Variants in SDC3 observed in about 807,000 individuals in gnomAD.
The protein encoded by SDC3 is syndecan-3.
Under a neutral mutation model 24.4 loss-of-function variants are expected in SDC3, and 13 were observed. That is an observed-to-expected ratio of 0.53 (90% CI 0.35 to 0.85). The LOEUF is 0.85. Among genes scored for constraint, SDC3 ranks in the 40% least tolerant of loss-of-function variants. The pLI is 0.01. For synonymous variants in SDC3, 295 were observed against 260.9 expected (o/e 1.13, Z -1.26); for missense variants, 571 against 584.5 (o/e 0.98, Z 0.24).
At chr1:30,905,236 G>C (rs1638493788) in intron 1 of SDC3, among the ~76,000 whole-genome samples, 1 of 152,036 alleles carries the variant, frequency 6.6e-6, no homozygotes, top group Non-Finnish European at 1.5e-5. Flanking sequence ...GCTTGAAACA[G>C]GGTGAGGAAG....
chr1:30,876,337 C>T (rs575845448), intron 3 of SDC3, among the ~76,000 whole-genome samples: 1 of 152,280 alleles, frequency 6.6e-6, no homozygotes, highest in Admixed American at 6.5e-5. Context: ...CACCAATGTC[C>T]CATCCCATTA....
intron 1 of SDC3, among the ~76,000 whole-genome samples, chr1:30,883,822 CAA>C (rs1639780711): frequency 6.6e-6 from 1 of 152,040 alleles, no homozygotes; most frequent in African/African-American, 2.4e-5. Flanking sequence ...GTGATTTGCC[CAA>C]AGACACACAG....
At chr1:30,880,112 T>A (rs1569999475) in intron 1 of SDC3, 1 of 152,176 alleles carries the variant, frequency 6.6e-6, no homozygotes, top group African/African-American at 2.4e-5. Context: ...TGGAAACCCA[T>A]CAGCCTCCAC....
chr1:30,909,226 C>G (rs538091217), upstream of SDC3, among the ~76,000 whole-genome samples: 2 of 152,312 alleles, frequency 1.3e-5, no homozygotes, highest in Admixed American at 6.5e-5. Context: ...CAGAGGTCAT[C>G]CAAGACCACG....
At chr1:30,902,461 G>T (rs1478974156) in intron 1 of SDC3, among the ~76,000 whole-genome samples, 1 of 152,188 alleles carries the variant, frequency 6.6e-6, no homozygotes, top group African/African-American at 2.4e-5. Flanking sequence ...AGGGTGTGGG[G>T]GGTGCCATCA....
chr1:30,880,209 T>C (rs1328462828), intron 1 of SDC3, among the ~76,000 whole-genome samples: 2 of 151,882 alleles, frequency 1.3e-5, no homozygotes, highest in African/African-American at 4.8e-5. Flanking sequence ...ATCTTCTCCA[T>C]GCTAACGACC....
Position 30,902,251 on chromosome 1 carries a change from A to G in SDC3, c.138+6198T>C, listed in dbSNP as rs906714178. 2.2e-4 allele frequency among the ~76,000 whole-genome samples: 34 copies of G among 152,166 alleles called. 1 individual carries two copies. Among genetic ancestry groups the G allele is most frequent in the African/African-American group, 7.7e-4 (32 of 41,436 alleles). On this transcript the variant is annotated intron_variant, in intron 1 of 4. Coordinates refer to ENST00000339394, the MANE Select transcript of SDC3 (RefSeq NM_014654.4). ...AAGGGCCAGATCATTTGTTGGGGCC[A>G]CCGCCACCCCCACTGCTGGGCCCTC... is the stretch of plus-strand genomic sequence containing the variant.
chr1:30,893,221 G>A (rs183289574), intron 1 of SDC3, among the ~76,000 whole-genome samples: 2 of 148,570 alleles, frequency 1.3e-5, no homozygotes, highest in Non-Finnish European at 3.0e-5. Flanking sequence ...CCCAGGCAGT[G>A]TGGAATGTTC....
chr1:30,874,624 A>C, intron 3 of SDC3, 36 bp from the exon 4 acceptor site: 1 of 1,593,000 alleles, frequency 6.3e-7, no homozygotes, highest in Non-Finnish European at 8.6e-7. Context: ...GGACAACCAC[A>C]CATGCATGCA....
chr1:30,873,357 C>A lies in SDC3; in HGVS notation c.1183G>T (p.Val395Leu). 6.2e-7 allele frequency: 1 copy of A among 1,613,710 alleles called. No homozygotes were observed. Among genetic ancestry groups the A allele is most frequent in the Non-Finnish European group, 8.5e-7 (1 of 1,179,672 alleles). The change falls in exon 5 of 5, where the codon GTG becomes TTG. Residue 395 changes from valine (V) to leucine (L), a missense_variant. Val to Leu is a conservative substitution (Grantham distance 32). Coordinates refer to ENST00000339394, the MANE Select transcript of SDC3 (RefSeq NM_014654.4). Reference protein sequence around the residue: ...VLVAVIVGGVVGALFAAFLVT... With the variant: ...VLVAVIVGGVLGALFAAFLVT... ...AAGAAGGCAGCAAAGAGGGCGCCCA[C>A]CACCCCGCCCACAATCACAGCTGTG...
upstream of SDC3, among the ~76,000 whole-genome samples, chr1:30,909,570 C>A (rs1638611284): frequency 6.6e-6 from 1 of 152,092 alleles, no homozygotes; most frequent in Non-Finnish European, 1.5e-5. Context: ...GGTGCCTTTT[C>A]CCCCTTCACC....
intron 1 of SDC3, among the ~76,000 whole-genome samples, chr1:30,907,193 T>C (rs1029123293): frequency 1.6e-4 from 25 of 152,280 alleles, no homozygotes; most frequent in Admixed American, 5.2e-4. Context: ...ACAGCATAGC[T>C]CCTGGAACCA....
chr1:30,879,674 G>A (rs952568912), intron 1 of SDC3, among the ~76,000 whole-genome samples: 1 of 152,184 alleles, frequency 6.6e-6, no homozygotes, highest in Non-Finnish European at 1.5e-5. Flanking sequence ...CCCTGCCCAG[G>A]GCTGTCTTCA....
intron 1 of SDC3, among the ~76,000 whole-genome samples, chr1:30,889,380 T>C (rs1639874608): frequency 6.6e-6 from 1 of 151,992 alleles, no homozygotes; most frequent in African/African-American, 2.4e-5. Context: ...GAAGCACTGG[T>C]TCCCACACAC....
chr1:30,903,325 T>G (rs1638451651), intron 1 of SDC3, among the ~76,000 whole-genome samples: 1 of 152,172 alleles, frequency 6.6e-6, no homozygotes, highest in Non-Finnish European at 1.5e-5. Context: ...TGGTGGCTTT[T>G]TAGACCCCTC....
upstream of SDC3, among the ~76,000 whole-genome samples, chr1:30,909,731 T>G (rs1436276095): frequency 2.0e-5 from 3 of 152,158 alleles, no homozygotes; most frequent in Non-Finnish European, 4.4e-5. Flanking sequence ...CGATGCTCAA[T>G]CCAAATTTGC....
chr1:30,872,850 G>T lies in SDC3; in HGVS notation c.*361C>A, dbSNP rs1639563280. ...CAAAAAGGAGATCTCAGTGAGCACTGTGGGTGCCAAGTCAGGGCTCAGGCT... is the reference window on the plus strand; with the variant it reads ...CAAAAAGGAGATCTCAGTGAGCACTTTGGGTGCCAAGTCAGGGCTCAGGCT... On this transcript the variant is annotated 3_prime_UTR_variant, in exon 5 of 5. Coordinates refer to ENST00000339394, the MANE Select transcript of SDC3 (RefSeq NM_014654.4). 1 of 265,036 alleles carries T rather than the reference G, an allele frequency of 3.8e-6. No homozygotes were observed. The allele number at this position is 265,036 out of a possible 1,614,324, so 16.4% of individuals were successfully genotyped here. A position where few individuals can be genotyped will look rare whatever the true frequency, so the allele number is the denominator to read the frequency against.
chr1:30,872,534 A>C lies in SDC3; in HGVS notation c.*677T>G, dbSNP rs542705400. 6.5e-6 allele frequency: 1 copy of C among 152,752 alleles called. No homozygotes were observed. The highest frequency in any genetic ancestry group is 2.4e-5 in the African/African-American group (1 of 41,566). The allele number at this position is 152,752 out of a possible 1,614,324, so 9.5% of individuals were successfully genotyped here. On this transcript the variant is annotated 3_prime_UTR_variant, in exon 5 of 5. Transcript: ENST00000339394. ...AGAGTCCCCTCATAGGAGGGACATC[A>C]GAGCAGCCCCTCCTCACCAGTGGCT... is the stretch of plus-strand genomic sequence containing the variant.
At position 30,871,453 on chromosome 1, in the gene SDC3, A is replaced by G. The variant is rs1291599859; in HGVS notation, c.*1758T>C. Reference sequence around the variant, plus strand: ...AATAGCCCTACTTGCTAGGTAACAAAGGAAGTAACCCCTCCCCCACTATCA... The same window carrying G: ...AATAGCCCTACTTGCTAGGTAACAAGGGAAGTAACCCCTCCCCCACTATCA... On this transcript the variant is annotated 3_prime_UTR_variant, in exon 5 of 5. Coordinates refer to ENST00000339394, the MANE Select transcript of SDC3 (RefSeq NM_014654.4). 3 of 152,286 alleles carry G rather than the reference A, an allele frequency of 2.0e-5. No homozygotes were observed. The highest frequency in any genetic ancestry group is 4.4e-5 in the Non-Finnish European group (3 of 68,068). The allele number at this position is 152,286 out of a possible 1,614,324, so 9.4% of individuals were successfully genotyped here.
Sources: allele counts gnomAD v4.1 joint callset (sites outside exome capture counted in the v4.1 genomes callset), GRCh38; gene constraint gnomAD v4.1.1; transcripts MANE v1.5; gene names NCBI Gene and HGNC (gene_info 2026-07-23, HGNC 2026-07-21).